Variants in DIP2C observed in about 807,000 individuals in gnomAD.
The protein encoded by DIP2C is DIP2 acetate--CoA ligase C (putative).
DIP2C carries 33 observed loss-of-function variants against 192.4 expected under a neutral mutation model. The ratio of observed to expected loss-of-function variants is 0.17; its 90% CI spans 0.13 to 0.23. The LOEUF (loss-of-function observed/expected upper bound fraction) is 0.23. Among genes scored for constraint, DIP2C ranks in the 10% least tolerant of loss-of-function variants. DIP2C has a pLI of 1.00. For missense variants in DIP2C, 1,537 were observed against 2,110.1 expected (o/e 0.73, Z 5.32); for synonymous variants, 979 against 864.1 (o/e 1.13, Z -2.33).
chr10:513,788 T>C (rs1588356484), intron 1 of DIP2C, among the ~76,000 whole-genome samples: 1 of 152,196 alleles, frequency 6.6e-6, no homozygotes, highest in African/African-American at 2.4e-5. Context: ...ATGGCAATTT[T>C]AAAAGTCTCA....
chr10:302,616 T>G (rs1181150021), intron 32 of DIP2C, among the ~76,000 whole-genome samples: 1 of 151,726 alleles, frequency 6.6e-6, no homozygotes. Context: ...CACCACAGAG[T>G]GGACCTACAC....
intron 1 of DIP2C, among the ~76,000 whole-genome samples, chr10:680,247 A>T (rs911789989): frequency 6.6e-6 from 1 of 152,118 alleles, no homozygotes; most frequent in Non-Finnish European, 1.5e-5. Context: ...CACAAGTTAA[A>T]AATAGATGTT....
At chr10:352,371 AAC>A (rs1177838620) in intron 24 of DIP2C, among the ~76,000 whole-genome samples, 1 of 152,210 alleles carries the variant, frequency 6.6e-6, no homozygotes, top group Non-Finnish European at 1.5e-5. Context: ...AACCCTGTGA[AAC>A]ACAATTTTCT....
chr10:532,001 T>G (rs1347632980), intron 1 of DIP2C, among the ~76,000 whole-genome samples: 1 of 152,172 alleles, frequency 6.6e-6, no homozygotes, highest in Non-Finnish European at 1.5e-5. Flanking sequence ...CCAAAATACT[T>G]CGCCCAGAAC....
At position 415,881 on chromosome 10, in the gene DIP2C, T is replaced by A. The variant is rs755307828; in HGVS notation, c.747A>T (p.Pro249=). The A allele has an allele frequency of 1.2e-6, 2 of 1,613,624 alleles. No individual in the cohort carries two copies. Among genetic ancestry groups the A allele is most frequent in the Non-Finnish European group, 8.5e-7 (1 of 1,179,946 alleles). The change falls in exon 7 of 37, where the codon CCA becomes CCT. Residue 249 remains proline (P), a synonymous_variant. Transcript: ENST00000280886. The part of the protein sequence containing the change: ...AELMETGDGV[P]VSSRVSAKIQ... ...TTTTTGCTGACACCCGGCTACTTAC[T>A]GGTACTCCTGAAAAACAGGAATCAG...
In DIP2C at chr10:446,880, TTGAA is replaced by T. The variant is rs199969088; in HGVS notation, c.269-5888_269-5885del. On this transcript the variant is annotated intron_variant, in intron 3 of 36. Coordinates refer to ENST00000280886, the MANE Select transcript of DIP2C (RefSeq NM_014974.3). ...TCAATGTAGTGAATTACATTGATTTTTGAATGATGAGCCAAGTGTGCCAGGCAAA... is the reference window on the plus strand; with the variant it reads ...TCAATGTAGTGAATTACATTGATTTTTGATGAGCCAAGTGTGCCAGGCAAA... Among the ~76,000 whole-genome samples, 1,396 of 152,348 alleles carry T rather than the reference TTGAA, an allele frequency of 9.2e-3. 28 individuals carry two copies. Among genetic ancestry groups the T allele is most frequent in the African/African-American group, 0.032 (1,320 of 41,572 alleles).
chr10:405,359 G>A (rs1295973862), intron 9 of DIP2C, among the ~76,000 whole-genome samples: 1 of 152,202 alleles, frequency 6.6e-6, no homozygotes, highest in Non-Finnish European at 1.5e-5. Context: ...ATAGACCACT[G>A]CAGAGTTGTA....
intron 1 of DIP2C, among the ~76,000 whole-genome samples, chr10:499,031 T>C (rs556875258): frequency 6.6e-6 from 1 of 152,372 alleles, no homozygotes; most frequent in East Asian, 1.9e-4. Context: ...CCACCAGTTT[T>C]CATGCAAGGC....
intron 1 of DIP2C, among the ~76,000 whole-genome samples, chr10:496,746 G>C (rs573906526): frequency 6.6e-6 from 1 of 150,436 alleles, no homozygotes; most frequent in South Asian, 2.1e-4. Flanking sequence ...GCCCTCCCAT[G>C]TACTTAAATC....
chr10:609,189 A>C (rs1302107457), intron 1 of DIP2C, among the ~76,000 whole-genome samples: 1 of 152,178 alleles, frequency 6.6e-6, no homozygotes, highest in East Asian at 1.9e-4. Context: ...ATCTTCACCT[A>C]AATTCAAGTC....
At chr10:469,073 G>A (rs1209267018) in intron 3 of DIP2C, among the ~76,000 whole-genome samples, 3 of 152,076 alleles carry the variant, frequency 2.0e-5, no homozygotes, top group African/African-American at 7.2e-5. Flanking sequence ...CTGTGCAGGT[G>A]CATAACTAGG....
intron 4 of DIP2C, among the ~76,000 whole-genome samples, chr10:434,876 C>T (rs1027704924): frequency 6.6e-6 from 1 of 152,130 alleles, no homozygotes; most frequent in African/African-American, 2.4e-5. Context: ...GGAGATTACT[C>T]TGGTTTCTTT....
chr10:427,145 C>G (rs1222002777), intron 4 of DIP2C, among the ~76,000 whole-genome samples: 2 of 152,190 alleles, frequency 1.3e-5, no homozygotes, highest in East Asian at 1.9e-4. Flanking sequence ...TGAGTGTCAG[C>G]AGAGCTACGT....
chr10:431,614 C>T (rs1038635430), intron 4 of DIP2C, among the ~76,000 whole-genome samples: 28 of 152,184 alleles, frequency 1.8e-4, no homozygotes, highest in Non-Finnish European at 4.0e-4. Context: ...TGCTGGTAAA[C>T]AGGAAATTCG....
At chr10:458,162 G>A (rs937817154) in intron 3 of DIP2C, among the ~76,000 whole-genome samples, 5 of 152,158 alleles carry the variant, frequency 3.3e-5, no homozygotes, top group African/African-American at 4.8e-5. Context: ...CCTCCTCTGG[G>A]GACATCACAG....
chr10:315,634 G>A (rs896389964), intron 31 of DIP2C, among the ~76,000 whole-genome samples: 1 of 152,198 alleles, frequency 6.6e-6, no homozygotes, highest in African/African-American at 2.4e-5. Flanking sequence ...GACTTTCGGT[G>A]TTTGGACAAC....
At chr10:490,893 G>C (rs1844389956) in intron 1 of DIP2C, among the ~76,000 whole-genome samples, 1 of 152,170 alleles carries the variant, frequency 6.6e-6, no homozygotes, top group Admixed American at 6.5e-5. Flanking sequence ...GTGAGGCAAA[G>C]TCACCAGCAG....
intron 3 of DIP2C, among the ~76,000 whole-genome samples, chr10:469,166 G>T (rs1398083700): frequency 3.3e-5 from 5 of 152,076 alleles, no homozygotes; most frequent in African/African-American, 9.7e-5. Flanking sequence ...AGTCACTCTG[G>T]GTGCAGAATC....
At chr10:418,272 A>ACTGCACCTGTCAGGGCTTC (rs1965930693) in intron 6 of DIP2C, among the ~76,000 whole-genome samples, 1 of 86,924 alleles carries the variant, frequency 1.2e-5, no homozygotes, top group South Asian at 5.2e-4. Flanking sequence ...GTCAGGCCTC[A>ACTGCACCTGTCAGGGCTTC]GATAGGCATC....
Sources: allele counts gnomAD v4.1 joint callset (sites outside exome capture counted in the v4.1 genomes callset), GRCh38; gene constraint gnomAD v4.1.1; transcripts MANE v1.5; gene names NCBI Gene and HGNC (gene_info 2026-07-23, HGNC 2026-07-21).